The following COG3 variants were observed in gnomAD, a reference collection of about 807,000 sequenced individuals.
The protein encoded by COG3 is conserved oligomeric Golgi complex subunit 3.
Under a neutral mutation model 114.1 loss-of-function variants are expected in COG3, and 32 were observed. That is an observed-to-expected ratio of 0.28 (90% CI 0.21 to 0.38). The LOEUF (loss-of-function observed/expected upper bound fraction) is 0.38. COG3 is among the 10% of genes least tolerant of loss of function. COG3 has a pLI of 1.00. For missense variants in COG3, 813 were observed against 973.2 expected, an observed-to-expected ratio of 0.84 and a Z score of 2.19; for synonymous variants, 352 against 365.7, an observed-to-expected ratio of 0.96 and a Z score of 0.43.
chr13:45,479,139 G>A (rs1462954605), intron 3 of COG3, 73 bp downstream of exon 3: 2 of 1,085,204 alleles, frequency 1.8e-6, no homozygotes, highest in Admixed American at 2.3e-5. Context: ...TTCATAATCA[G>A]TGTCTTTAAA....
rs528351578 is a variant in COG3 at position 45,466,112 on chromosome 13, A to G, written c.174+902A>G. Among the ~76,000 whole-genome samples, 3 of 152,274 alleles carry G rather than the reference A, an allele frequency of 2.0e-5. No individual in the cohort carries two copies. The South Asian group carries it at 6.2e-4, about 32-fold the overall frequency. On this transcript the variant is annotated intron_variant, in intron 1 of 22. Coordinates refer to ENST00000349995, the MANE Select transcript of COG3 (RefSeq NM_031431.4). Reference sequence around the variant, plus strand: ...GAGTGCAGTGGCGTGACCTCGGCTCACTGCAACCTCCACCTCCCGGGTTCA... The same window carrying G: ...GAGTGCAGTGGCGTGACCTCGGCTCGCTGCAACCTCCACCTCCCGGGTTCA...
At chr13:45,490,127 T>G (rs1886931016) in intron 8 of COG3, among the ~76,000 whole-genome samples, 1 of 152,184 alleles carries the variant, frequency 6.6e-6, no homozygotes, top group Non-Finnish European at 1.5e-5. Flanking sequence ...TAAGGCTGGG[T>G]GACTTTTGTC....
At chr13:45,465,332 G>C in intron 1 of COG3, 122 bp downstream of exon 1, 1 of 1,413,506 alleles carries the variant, frequency 7.1e-7, no homozygotes, top group Non-Finnish European at 9.3e-7. Context: ...CCCTGGCCAT[G>C]GTGGCGGATC....
intron 12 of COG3, among the ~76,000 whole-genome samples, chr13:45,495,068 T>C (rs71431379): frequency 0.053 from 7,967 of 150,752 alleles, 262 homozygotes; most frequent in East Asian, 0.099. Flanking sequence ...ATGGTCTCGA[T>C]CTCTTGACCT....
At chr13:45,512,012 T>C (rs1442233203) in intron 16 of COG3, 158 bp downstream of exon 16, 4 of 612,636 alleles carry the variant, frequency 6.5e-6, no homozygotes, top group Non-Finnish European at 1.2e-5. Flanking sequence ...TATTTCATTA[T>C]AGTGCTAAAT....
In COG3 at chr13:45,509,713, C is replaced by G; in HGVS notation, c.1616C>G (p.Pro539Arg). The G allele has an allele frequency of 3.1e-6, 5 of 1,614,070 alleles. No homozygotes were observed. Among genetic ancestry groups the G allele is most frequent in the Non-Finnish European group, 4.2e-6 (5 of 1,179,968 alleles). Residue 539 changes from proline to arginine, a missense_variant, in exon 15 of 23, where the codon CCT (proline) becomes CGT (arginine). Pro to Arg is a moderately radical substitution (Grantham distance 103). Transcript: ENST00000349995. ...TKSGSTESLN[P>R]RPQTTISPAD... ...TTAGGTTCAACAGAATCCCTCAATCCTAGACCACAGACCACAATTTCTCCA... is the reference window on the plus strand; with the variant it reads ...TTAGGTTCAACAGAATCCCTCAATCGTAGACCACAGACCACAATTTCTCCA...
In COG3 at chr13:45,478,156, T is replaced by C. The variant is rs368708601; in HGVS notation, c.322-849T>C. On this transcript the variant is annotated intron_variant, in intron 2 of 22. Coordinates refer to ENST00000349995, the MANE Select transcript of COG3 (RefSeq NM_031431.4). The stretch of plus-strand genomic sequence containing the variant: ...ATTTGACTGTGAAAATGGTCAGTTT[T>C]TTGTTTGTTTTTTTCAATCCTTAAG... Among the ~76,000 whole-genome samples, 28 of 152,044 alleles carry C rather than the reference T, an allele frequency of 1.8e-4. 1 individual carries two copies. The South Asian group carries it at 5.8e-3, about 32-fold the overall frequency.
At chr13:45,495,143 CT>C (rs1868608393) in intron 12 of COG3, among the ~76,000 whole-genome samples, 1 of 121,134 alleles carries the variant, frequency 8.3e-6, no homozygotes, top group Admixed American at 1.1e-4. Flanking sequence ...CACGCCTGGC[CT>C]CTTTTTTTTT....
intron 14 of COG3, among the ~76,000 whole-genome samples, chr13:45,508,086 A>G (rs1870393842): frequency 6.7e-6 from 1 of 148,712 alleles, no homozygotes; most frequent in African/African-American, 2.5e-5. Context: ...AAAAAAAAAA[A>G]AAAAAAAAAA....
At chr13:45,481,400 G>C in intron 5 of COG3, 96 bp downstream of exon 5, 3 of 678,914 alleles carry the variant, frequency 4.4e-6, no homozygotes, top group Non-Finnish European at 7.8e-6. Flanking sequence ...TGGCTTGAGT[G>C]ATATTTTAAT....
At chr13:45,478,879 T>C in intron 2 of COG3, 126 bp from the exon 3 acceptor site, 1 of 680,286 alleles carries the variant, frequency 1.5e-6, no homozygotes, top group Non-Finnish European at 2.6e-6. Context: ...TAAAACTGAT[T>C]ATGTCTGAGC....
chr13:45,468,751 AGCACTG>A (rs1885297071), intron 1 of COG3, among the ~76,000 whole-genome samples: 1 of 152,234 alleles, frequency 6.6e-6, no homozygotes, highest in African/African-American at 2.4e-5. Flanking sequence ...GTAGCTCTGC[AGCACTG>A]GCCCATTAGC....
intron 14 of COG3, among the ~76,000 whole-genome samples, chr13:45,508,397 T>TACACACACAC (rs1870457907): frequency 9.8e-6 from 1 of 102,086 alleles, no homozygotes; most frequent in Admixed American, 1.1e-4. Context: ...TATATATATA[T>TACACACACAC]ATATATACAC....
chr13:45,501,828 T>C (rs1869570132), intron 13 of COG3, among the ~76,000 whole-genome samples: 2 of 152,218 alleles, frequency 1.3e-5, no homozygotes, highest in South Asian at 2.1e-4. Flanking sequence ...TAATAATAGG[T>C]ATGTTCGTTT....
chr13:45,476,405 G>A (rs1432711421), intron 2 of COG3, 58 bp downstream of exon 2: 1 of 1,509,042 alleles, frequency 6.6e-7, no homozygotes. Context: ...TGAAGACAAG[G>A]CTAATAAAGT....
At chr13:45,515,574 G>C (rs1871453912) in intron 16 of COG3, among the ~76,000 whole-genome samples, 1 of 152,178 alleles carries the variant, frequency 6.6e-6, no homozygotes, top group African/African-American at 2.4e-5. Context: ...GTCCTGAGAG[G>C]GCAGAAGGAC....
At chr13:45,505,880 C>T (rs1418240270) in intron 14 of COG3, among the ~76,000 whole-genome samples, 1 of 152,130 alleles carries the variant, frequency 6.6e-6, no homozygotes, top group East Asian at 1.9e-4. Flanking sequence ...CAGATGTGAG[C>T]CACTGTGCCT....
At chr13:45,491,259 G>A (rs1887002258) in intron 9 of COG3, among the ~76,000 whole-genome samples, 153 bp from the exon 10 acceptor site, 1 of 152,162 alleles carries the variant, frequency 6.6e-6, no homozygotes, top group African/African-American at 2.4e-5. Flanking sequence ...TTTGTTTTGT[G>A]TCTGTATTTC....
At chr13:45,510,822 A>G (rs1870777331) in intron 15 of COG3, among the ~76,000 whole-genome samples, 1 of 152,244 alleles carries the variant, frequency 6.6e-6, no homozygotes, top group Admixed American at 6.5e-5. Context: ...AGGGAAGGCG[A>G]GGGTCTTGGT....
Sources: gnomAD v4.1 joint callset for allele counts (sites outside exome capture counted in the v4.1 genomes callset) on GRCh38, gnomAD v4.1.1 for gene constraint, MANE v1.5 for transcripts, NCBI Gene and HGNC (gene_info 2026-07-23, HGNC 2026-07-21) for gene names.